Variants in DST observed in about 807,000 individuals in gnomAD.
DST encodes bullous pemphigoid antigen.
In DST, 253 loss-of-function variants were observed where a neutral mutation model predicts 875.2. That is an observed-to-expected ratio of 0.29 (90% CI 0.26 to 0.32). DST has a LOEUF of 0.32. Ranked by LOEUF, DST falls within the 10% of genes least tolerant of loss-of-function variation. DST has a pLI of 1.00. For missense variants in DST, 8,287 were observed against 9,111.6 expected (o/e 0.91, Z 3.68); for synonymous variants, 3,124 against 3,197.1 (o/e 0.98, Z 0.77).
intron 2 of DST, among the ~76,000 whole-genome samples, chr6:56,933,443 T>A (rs1384689870): frequency 6.6e-6 from 1 of 152,230 alleles, no homozygotes; most frequent in African/African-American, 2.4e-5. Flanking sequence ...CTTGGCACCC[T>A]GCAAATAAAT....
chr6:56,529,341 G>T, intron 66 of DST, 107 bp downstream of exon 66: 2 of 940,862 alleles, frequency 2.1e-6, no homozygotes, highest in Non-Finnish European at 3.0e-6. Flanking sequence ...TTTAAGTACA[G>T]CAATTCATCG....
At chr6:56,730,139 T>C (rs2099491479) in intron 5 of DST, among the ~76,000 whole-genome samples, 1 of 152,186 alleles carries the variant, frequency 6.6e-6, no homozygotes, top group Admixed American at 6.5e-5. Context: ...ATTTCCACCA[T>C]AAATTGCCAA....
chr6:56,939,326 G>A (rs1562471235), intron 2 of DST, among the ~76,000 whole-genome samples: 2 of 152,214 alleles, frequency 1.3e-5, no homozygotes, highest in African/African-American at 2.4e-5. Context: ...TGGTCCTGAC[G>A]AAGGTAAGAA....
chr6:56,518,029 G>A (rs993164828), intron 69 of DST, among the ~76,000 whole-genome samples: 1 of 151,994 alleles, frequency 6.6e-6, no homozygotes, highest in Non-Finnish European at 1.5e-5. Flanking sequence ...TGCTATCAAA[G>A]TACATAGTTC....
At chr6:56,571,044 G>T (rs2097773066) in intron 53 of DST, among the ~76,000 whole-genome samples, 1 of 152,184 alleles carries the variant, frequency 6.6e-6, no homozygotes, top group South Asian at 2.1e-4. Context: ...AGTGACTAGA[G>T]AATTTTCATG....
intron 93 of DST, among the ~76,000 whole-genome samples, chr6:56,473,661 A>C: frequency 6.6e-6 from 1 of 152,240 alleles, no homozygotes; most frequent in Admixed American, 6.5e-5. Flanking sequence ...TCAAGACAAT[A>C]AAGTTACGTA....
Position 56,552,896 on chromosome 6 carries a change from T to A in DST, c.15896A>T (p.His5299Leu). The A allele has an allele frequency of 6.2e-7, 1 of 1,614,030 alleles. No individual in the cohort carries two copies. Among genetic ancestry groups the A allele is most frequent in the Non-Finnish European group, 8.5e-7 (1 of 1,179,878 alleles). ...LQCAKEQLDI[H>L]DSLGSQAYSN... ...GTAAGCCTGGGATCCCAGCGAATCA[T>A]GGATATCTAGCTGCTCCTTTGCACA... Residue 5299 changes from histidine to leucine, a missense_variant, in exon 61 of 104, where the codon CAT becomes CTT. Physicochemically the swap from His to Leu is moderately conservative, Grantham distance 99. Around this residue, in one of 10 missense-constraint regions of DST, gnomAD observed 1,513 missense variants for 1,677.8 expected, o/e 0.90. Transcript: ENST00000680361.
At chr6:56,646,878 G>A (rs1326742815) in intron 13 of DST, among the ~76,000 whole-genome samples, 1 of 152,160 alleles carries the variant, frequency 6.6e-6, no homozygotes, top group East Asian at 1.9e-4. Context: ...TAATAGGTAT[G>A]TACTAATTAC....
At chr6:56,924,679 T>G (rs1277326838) in intron 2 of DST, among the ~76,000 whole-genome samples, 1 of 151,984 alleles carries the variant, frequency 6.6e-6, no homozygotes, top group Non-Finnish European at 1.5e-5. Context: ...GAGAGCTAGT[T>G]TTTTTTTGGT....
chr6:56,584,903 T>C (rs1336303695), intron 49 of DST, among the ~76,000 whole-genome samples: 1 of 152,156 alleles, frequency 6.6e-6, no homozygotes, highest in East Asian at 1.9e-4. Flanking sequence ...CATTTATTGA[T>C]TTGTGTATAT....
chr6:56,466,572 A>G (rs986537737), intron 98 of DST: 3 of 155,840 alleles, frequency 1.9e-5, no homozygotes, highest in African/African-American at 7.2e-5. Flanking sequence ...CTTATCCAAA[A>G]TAAAATGATT....
chr6:56,604,819 G>C lies in DST; in HGVS notation c.9809C>G (p.Ala3270Gly), dbSNP rs1026389672. ...TTTACGAGATAATATTGAAAGTGTG[G>C]CTTCAATACTTTCTGGTGTGAACTG... is the stretch of plus-strand genomic sequence containing the variant. ...ISQFTPESIE[A>G]TLSILSRKHV... Residue 3270 changes from alanine (A) to glycine (G), a missense_variant, in exon 40 of 104, where the codon GCC (alanine) becomes GGC (glycine). Ala to Gly is a moderately conservative substitution (Grantham distance 60). Around this residue, in one of 10 missense-constraint regions of DST, gnomAD observed 3,138 missense variants for 3,116.6 expected, o/e 1.01. Coordinates refer to ENST00000680361, the MANE Select transcript of DST (RefSeq NM_001374736.1). 3 of 1,612,590 alleles carry C rather than the reference G, an allele frequency of 1.9e-6. No individual in the cohort carries two copies. Among genetic ancestry groups the C allele is most frequent in the Non-Finnish European group, 2.5e-6 (3 of 1,179,194 alleles).
chr6:56,804,273 A>C (rs1389686072), intron 4 of DST, among the ~76,000 whole-genome samples: 2 of 152,168 alleles, frequency 1.3e-5, no homozygotes, highest in African/African-American at 4.8e-5. Flanking sequence ...CAATTTCCAA[A>C]TTCTGAAAAC....
chr6:56,721,839 A>C (rs1218685310), intron 5 of DST, among the ~76,000 whole-genome samples: 2 of 152,234 alleles, frequency 1.3e-5, no homozygotes, highest in Admixed American at 6.5e-5. Flanking sequence ...TCAAGTGAAT[A>C]TACACAAAAC....
At chr6:56,906,544 T>C (rs893715119) in intron 2 of DST, among the ~76,000 whole-genome samples, 5 of 151,854 alleles carry the variant, frequency 3.3e-5, no homozygotes, top group African/African-American at 1.2e-4. Flanking sequence ...AATATTAGGG[T>C]GGGGTAATCA....
rs545772116 is a variant in DST at position 56,470,224 on chromosome 6, G to C, written c.22380C>G (p.Gly7460=). 3 of 1,611,052 alleles carry C rather than the reference G, an allele frequency of 1.9e-6. No homozygotes were observed. The highest frequency in any genetic ancestry group is 2.5e-6 in the Non-Finnish European group (3 of 1,178,482). The change falls in exon 96 of 104, where the codon GGC becomes GGG. Residue 7460 remains glycine, a synonymous_variant. Transcript: ENST00000680361. ...SAVADIFDRD[G]DGYIDYYEFV... The stretch of plus-strand genomic sequence containing the variant: ...ATTCATAGTAGTCAATATATCCATC[G>C]CCATCTCTGTCAAAGATGTCTGCAA...
intron 36 of DST, chr6:56,619,394 G>C (rs765076893): frequency 6.2e-7 from 1 of 1,613,050 alleles, no homozygotes; most frequent in Non-Finnish European, 8.5e-7. Context: ...TTCTTTTTCA[G>C]CTTTGATATT....
chr6:56,603,494 G>A, intron 41 of DST, 70 bp downstream of exon 41: 1 of 1,587,954 alleles, frequency 6.3e-7, no homozygotes, highest in Non-Finnish European at 8.6e-7. Flanking sequence ...ACATAGAAGT[G>A]TTCTGCTTCT....
chr6:56,908,847 A>G (rs975206756), intron 2 of DST, among the ~76,000 whole-genome samples: 14 of 152,328 alleles, frequency 9.2e-5, no homozygotes, highest in African/African-American at 3.4e-4. Context: ...ATGACAGTTT[A>G]CAGATCCCAT....
Sources: gnomAD v4.1 joint callset for allele counts (sites outside exome capture counted in the v4.1 genomes callset) on GRCh38, gnomAD v4.1.1 for gene constraint, gnomAD v4.1.1 regional missense constraint, MANE v1.5 for transcripts, NCBI Gene and HGNC (gene_info 2026-07-23, HGNC 2026-07-21) for gene names.